The following C7orf78 variants were observed in gnomAD, a reference collection of about 807,000 sequenced individuals.
C7orf78 encodes chromosome 7 open reading frame 78, also known as putative uncharacterized protein C7orf78.
the C7orf78 span, among the ~76,000 whole-genome samples, chr7:12,513,861 G>A: frequency 0.09 from 13,654 of 152,110 alleles, 910 homozygotes; most frequent in Admixed American, 0.23. Context: ...TTAGCTGGGC[G>A]TGGTGGTGGG....
chr7:12,504,219 T>C, the C7orf78 span, among the ~76,000 whole-genome samples: 1 of 152,228 alleles, frequency 6.6e-6, no homozygotes, highest in Non-Finnish European at 1.5e-5. Context: ...TCATGTGCTC[T>C]CTTTCTGTGT....
chr7:12,488,568 G>A, the C7orf78 span, among the ~76,000 whole-genome samples: 1 of 151,944 alleles, frequency 6.6e-6, no homozygotes, highest in Non-Finnish European at 1.5e-5. Context: ...ACAAGTTCTA[G>A]ATAAATTCAA....
chr7:12,500,211 G>A, the C7orf78 span, among the ~76,000 whole-genome samples: 1 of 151,172 alleles, frequency 6.6e-6, no homozygotes, highest in East Asian at 1.9e-4. Flanking sequence ...GCTAGCAGAA[G>A]GCAAGAAATA....
chr7:12,537,291 A>G, the C7orf78 span, among the ~76,000 whole-genome samples: 4 of 152,184 alleles, frequency 2.6e-5, no homozygotes, highest in African/African-American at 9.7e-5. Flanking sequence ...TTTTGCAGGG[A>G]AACTCCCATT....
chr7:12,532,153 C>T, the C7orf78 span, among the ~76,000 whole-genome samples: 4,417 of 152,254 alleles, frequency 0.029, 212 homozygotes, highest in African/African-American at 0.1. Flanking sequence ...TCCTACAGGC[C>T]AGCATTCACC....
chr7:12,532,564 A>G, the C7orf78 span, among the ~76,000 whole-genome samples: 290 of 148,110 alleles, frequency 2.0e-3, 3 homozygotes, highest in African/African-American at 7.0e-3. Context: ...AAAAAAAAAG[A>G]AAAAGAAAAA....
chr7:12,526,617 T>C, the C7orf78 span, among the ~76,000 whole-genome samples: 1 of 152,326 alleles, frequency 6.6e-6, no homozygotes, highest in East Asian at 1.9e-4. Context: ...ACTAAGATAA[T>C]TTATTTACAA....
chr7:12,484,258 G>A, the C7orf78 span, among the ~76,000 whole-genome samples: 4 of 152,146 alleles, frequency 2.6e-5, no homozygotes, highest in Non-Finnish European at 4.4e-5. Context: ...ATTTGAAGTT[G>A]TATTCTTTTT....
chr7:12,505,262 T>C, the C7orf78 span, among the ~76,000 whole-genome samples: 1 of 152,134 alleles, frequency 6.6e-6, no homozygotes, highest in African/African-American at 2.4e-5. Context: ...ATATAAAATT[T>C]GCATTTTTGT....
chr7:12,502,850 T>C, the C7orf78 span, among the ~76,000 whole-genome samples: 1 of 140,338 alleles, frequency 7.1e-6, no homozygotes, highest in Non-Finnish European at 1.5e-5. Context: ...CCAAGAATGA[T>C]AGACTGGATT....
the C7orf78 span, among the ~76,000 whole-genome samples, chr7:12,514,765 C>G: frequency 1.6e-3 from 242 of 152,100 alleles, 1 homozygote; most frequent in African/African-American, 5.4e-3. Flanking sequence ...CTGATCCTTT[C>G]CCTTTCAAGT....
chr7:12,483,794 C>T, the C7orf78 span: 1 of 147,446 alleles, frequency 6.8e-6, no homozygotes, highest in African/African-American at 2.5e-5. Flanking sequence ...AGGAGAATTG[C>T]TTGAAACCAG....
the C7orf78 span, among the ~76,000 whole-genome samples, chr7:12,512,878 A>G: frequency 2.6e-5 from 4 of 152,178 alleles, no homozygotes; most frequent in Admixed American, 2.6e-4. Flanking sequence ...CAGGTTTTCT[A>G]TTCTTCCTGA....
chr7:12,517,718 A>G, the C7orf78 span, among the ~76,000 whole-genome samples: 2 of 152,170 alleles, frequency 1.3e-5, no homozygotes, highest in Non-Finnish European at 1.5e-5. Flanking sequence ...CTTCAGTTCT[A>G]GAATTTCCAT....
chr7:12,538,699 G>A, the C7orf78 span, among the ~76,000 whole-genome samples: 2 of 152,208 alleles, frequency 1.3e-5, no homozygotes, highest in South Asian at 4.2e-4. Flanking sequence ...GATGGCTGGA[G>A]CTCATCAATT....
chr7:12,531,309 G>A, the C7orf78 span, among the ~76,000 whole-genome samples: 1 of 152,126 alleles, frequency 6.6e-6, no homozygotes, highest in Non-Finnish European at 1.5e-5. Context: ...GAATTTCATT[G>A]CAACCTGTTT....
chr7:12,504,404 C>G, the C7orf78 span: 6 of 152,118 alleles, frequency 3.9e-5, no homozygotes, highest in Non-Finnish European at 8.8e-5. Context: ...CTTAGCAACC[C>G]AGATGAGCAA....
At chr7:12,523,154 C>T in the C7orf78 span, 1 of 398,402 alleles carries the variant, frequency 2.5e-6, no homozygotes, top group Non-Finnish European at 4.4e-6. Flanking sequence ...AATAAAGCCT[C>T]CTGATTTTAG....
At chr7:12,527,805 G>A in the C7orf78 span, among the ~76,000 whole-genome samples, 4 of 148,942 alleles carry the variant, frequency 2.7e-5, no homozygotes. Flanking sequence ...AATGGAACAT[G>A]TCAGCTTTCC....
Sources: allele counts gnomAD v4.1 joint callset (sites outside exome capture counted in the v4.1 genomes callset), GRCh38; gene constraint gnomAD v4.1.1; transcripts MANE v1.5; gene names NCBI Gene and HGNC (gene_info 2026-07-23, HGNC 2026-07-21).